ANO5: variants seen among roughly 807,000 people sequenced by gnomAD.
The protein encoded by ANO5 is anoctamin 5.
A neutral mutation model predicts 121.0 loss-of-function variants in ANO5; 109 were observed. That is an observed-to-expected ratio of 0.90 (90% CI 0.77 to 1.06). ANO5 has a LOEUF of 1.06. ANO5 is among the 50% of genes least tolerant of loss of function. The pLI, the probability that ANO5 is intolerant of heterozygous loss-of-function variation, is 0.00. For missense variants in ANO5, 1,064 were observed against 1,078.5 expected, an observed-to-expected ratio of 0.99 and a Z score of 0.19; for synonymous variants, 406 against 359.9, an observed-to-expected ratio of 1.13 and a Z score of -1.45.
At chr11:22,218,485 T>C (rs557742806) in intron 4 of ANO5, among the ~76,000 whole-genome samples, 198 bp downstream of exon 4, 1 of 152,100 alleles carries the variant, frequency 6.6e-6, no homozygotes, top group Non-Finnish European at 1.5e-5. Flanking sequence ...CTTCCTAAAA[T>C]GTATGCACAT....
chr11:22,262,990 C>T lies in ANO5; in HGVS notation c.1845C>T (p.Thr615=), dbSNP rs138731456. ...GCLIELTTQL[T]IIMTGKQIFG... ...TTATAGAATTGACAACCCAATTGACCATTATAATGACCGGGAAACAGATTT... is the reference window on the plus strand; with the variant it reads ...TTATAGAATTGACAACCCAATTGACTATTATAATGACCGGGAAACAGATTT... Residue 615 remains threonine, a synonymous_variant, in exon 17 of 22, where the codon ACC becomes ACT. Coordinates refer to ENST00000324559, the MANE Select transcript of ANO5 (RefSeq NM_213599.3). 1.2e-5 allele frequency: 20 copies of T among 1,613,614 alleles called. No individual in the cohort carries two copies. In the African/African-American group the frequency reaches 2.5e-4, roughly 20 times the overall value.
At chr11:22,225,856 T>A in intron 5 of ANO5, 128 bp from the exon 6 acceptor site, 1 of 692,894 alleles carries the variant, frequency 1.4e-6, no homozygotes, top group East Asian at 2.7e-5. Flanking sequence ...ATGGAGCATT[T>A]TTATATACAA....
intron 3 of ANO5, among the ~76,000 whole-genome samples, chr11:22,215,873 A>G (rs1167940063): frequency 6.6e-6 from 1 of 151,940 alleles, no homozygotes; most frequent in African/African-American, 2.4e-5. Context: ...AATGTAATAT[A>G]TAAATGGAAT....
chr11:22,199,717 G>A lies in ANO5; in HGVS notation c.41-4087G>A, dbSNP rs552753691. On this transcript the variant is annotated intron_variant, in intron 1 of 21. Coordinates refer to ENST00000324559, the MANE Select transcript of ANO5 (RefSeq NM_213599.3). ...GGCCTGATAAAATATAGGTATTCTC[G>A]TATCTGCATTACATTCACTCTGTTG... Among the ~76,000 whole-genome samples, 5 of 151,974 alleles carry A rather than the reference G, an allele frequency of 3.3e-5. No homozygotes were observed. The East Asian group carries it at 5.8e-4, about 18-fold the overall frequency.
intron 8 of ANO5, among the ~76,000 whole-genome samples, chr11:22,238,918 A>G (rs1853328699): frequency 6.6e-6 from 1 of 152,140 alleles, no homozygotes; most frequent in African/African-American, 2.4e-5. Context: ...TGCTGCCTTC[A>G]GCAGTTCATT....
intron 7 of ANO5, among the ~76,000 whole-genome samples, chr11:22,228,151 C>T (rs1473099906): frequency 6.6e-6 from 1 of 151,900 alleles, no homozygotes. Context: ...GGTTTTGTGC[C>T]ACTGTTTCTT....
At position 22,227,557 on chromosome 11, in the gene ANO5, T is replaced by C. The variant is rs1852885481; in HGVS notation, c.619T>C (p.Phe207Leu). 6.2e-7 allele frequency: 1 copy of C among 1,613,332 alleles called. No individual in the cohort carries two copies. Residue 207 changes from phenylalanine (F) to leucine (L), a missense_variant, in exon 7 of 22, where the codon TTC becomes CTC. Physicochemically the swap from Phe to Leu is conservative, Grantham distance 22 (BLOSUM62 0). Transcript: ENST00000324559. ...ELFLIEDQATFFPSSSRNRIV... is the reference protein window; with the variant it reads ...ELFLIEDQATLFPSSSRNRIV... ...CTTCCTCATCGAAGATCAGGCAACCTTCTTTCCATCCTCATCAAGAAACAG... is the reference window on the plus strand; with the variant it reads ...CTTCCTCATCGAAGATCAGGCAACCCTCTTTCCATCCTCATCAAGAAACAG...
intron 9 of ANO5, among the ~76,000 whole-genome samples, chr11:22,241,665 A>G (rs1415532813): frequency 6.6e-6 from 1 of 151,832 alleles, no homozygotes; most frequent in Non-Finnish European, 1.5e-5. Flanking sequence ...ATTTTTTCAT[A>G]TGTTTGTTGG....
rs550483083 is a variant in ANO5 at position 22,198,831 on chromosome 11, A to G, written c.41-4973A>G. On this transcript the variant is annotated intron_variant, in intron 1 of 21. Coordinates refer to ENST00000324559, the MANE Select transcript of ANO5 (RefSeq NM_213599.3). ...CAAGGCTTGTATTTCTTAGAATCCT[A>G]TTCTTTATCTATTCACTGTAAAGCC... 5.6e-4 allele frequency among the ~76,000 whole-genome samples: 85 copies of G among 152,294 alleles called. 2 individuals carry two copies. The South Asian group carries it at 0.017, about 31-fold the overall frequency.
intron 21 of ANO5, 73 bp from the exon 22 acceptor site, chr11:22,279,471 G>T (rs1854992070): frequency 1.6e-6 from 2 of 1,287,410 alleles, no homozygotes; most frequent in Admixed American, 1.8e-5. Context: ...TAAGTGAAAT[G>T]ATTTGTAAAG....
At chr11:22,224,774 AATAG>A (rs1353358657) in intron 5 of ANO5, among the ~76,000 whole-genome samples, 2 of 152,128 alleles carry the variant, frequency 1.3e-5, no homozygotes, top group African/African-American at 4.8e-5. Flanking sequence ...TTGTTGGATG[AATAG>A]ATAAAGAAAA....
intron 9 of ANO5, among the ~76,000 whole-genome samples, chr11:22,246,619 T>C (rs1853625934): frequency 6.6e-6 from 1 of 151,952 alleles, no homozygotes; most frequent in African/African-American, 2.4e-5. Flanking sequence ...GGCAGATCAC[T>C]TTAGGTCAGG....
At chr11:22,210,021 A>G (rs185880344) in intron 2 of ANO5, among the ~76,000 whole-genome samples, 2 of 152,086 alleles carry the variant, frequency 1.3e-5, no homozygotes. Context: ...TGAGTGATCA[A>G]GATACTCATT....
chr11:22,230,100 G>T lies in ANO5; in HGVS notation c.648+2514G>T, dbSNP rs188338219. ...GTAGATTTGTGAATGTGTATATGAT[G>T]AATATATATGATTATGTGTTTACAC... On this transcript the variant is annotated intron_variant, in intron 7 of 21. Transcript: ENST00000324559. Among the ~76,000 whole-genome samples, 4 of 151,944 alleles carry T rather than the reference G, an allele frequency of 2.6e-5. No individual in the cohort carries two copies. In the East Asian group the frequency reaches 7.7e-4, roughly 29 times the overall value.
At chr11:22,203,718 T>C (rs111545224) in intron 1 of ANO5, 86 bp from the exon 2 acceptor site, 9 of 794,450 alleles carry the variant, frequency 1.1e-5, no homozygotes, top group Middle Eastern at 2.7e-4. Context: ...ATTCATTCAA[T>C]TCCTATTTTT....
chr11:22,192,658 CCCGGCCAA>C (rs1285789780), upstream of ANO5, among the ~76,000 whole-genome samples: 1 of 152,212 alleles, frequency 6.6e-6, no homozygotes, highest in Non-Finnish European at 1.5e-5. Context: ...TCGATGAAGA[CCCGGCCAA>C]CCGGCTGAGG....
At chr11:22,256,034 C>T (rs576016465) in intron 13 of ANO5, among the ~76,000 whole-genome samples, 3 of 152,210 alleles carry the variant, frequency 2.0e-5, no homozygotes, top group East Asian at 3.9e-4. Context: ...TTTCTTCACA[C>T]GGCCCCTTTT....
chr11:22,235,194 T>C (rs956876200), intron 7 of ANO5, among the ~76,000 whole-genome samples: 2 of 152,128 alleles, frequency 1.3e-5, no homozygotes, highest in Non-Finnish European at 2.9e-5. Context: ...TTACTTATCA[T>C]AGCTTTATAA....
chr11:22,236,885 A>G (rs1853241321), intron 8 of ANO5, among the ~76,000 whole-genome samples: 1 of 152,180 alleles, frequency 6.6e-6, no homozygotes, highest in South Asian at 2.1e-4. Flanking sequence ...CTGGCAAATC[A>G]TTGTACAAAA....
Sources: allele counts gnomAD v4.1 joint callset (sites outside exome capture counted in the v4.1 genomes callset), GRCh38; gene constraint gnomAD v4.1.1; transcripts MANE v1.5; gene names NCBI Gene and HGNC (gene_info 2026-07-23, HGNC 2026-07-21).